Variants in OCA2 observed in about 807,000 individuals in gnomAD.
OCA2 encodes the protein OCA2 melanosomal transmembrane protein.
Under a neutral mutation model 100.2 loss-of-function variants are expected in OCA2, and 77 were observed. That is an observed-to-expected ratio of 0.77 (90% CI 0.64 to 0.93). The LOEUF (loss-of-function observed/expected upper bound fraction) is 0.93. Among genes scored for constraint, OCA2 ranks in the 40% least tolerant of loss-of-function variants. OCA2 has a pLI of 0.00. For missense variants in OCA2, 1,062 were observed against 1,089.1 expected (o/e 0.98, Z 0.35); for synonymous variants, 432 against 439.2 (o/e 0.98, Z 0.21).
At chr15:27,885,004 T>C (rs1449620199) in intron 19 of OCA2, among the ~76,000 whole-genome samples, 1 of 152,220 alleles carries the variant, frequency 6.6e-6, no homozygotes, top group Non-Finnish European at 1.5e-5. Flanking sequence ...AGCTTTACAG[T>C]GAATGAACTT....
chr15:27,914,932 C>T (rs1319063586), intron 19 of OCA2, among the ~76,000 whole-genome samples: 1 of 152,122 alleles, frequency 6.6e-6, no homozygotes, highest in African/African-American at 2.4e-5. Flanking sequence ...AAGAACAAAG[C>T]TGGAGGCATC....
At chr15:27,799,793 A>G (rs1025518060) in intron 23 of OCA2, among the ~76,000 whole-genome samples, 1 of 152,154 alleles carries the variant, frequency 6.6e-6, no homozygotes, top group Non-Finnish European at 1.5e-5. Context: ...ATCTGAGAAA[A>G]GTGAGCAGCC....
In OCA2 at chr15:28,000,693, A is replaced by AATATT. The variant is rs199985698; in HGVS notation, c.1045-10051_1045-10047dup. On this transcript the variant is annotated intron_variant, in intron 9 of 23. Transcript: ENST00000354638. Reference sequence around the variant, plus strand: ...GAAAAGACAACCTACAGACTCAGAAAATATTTGCAAACCATATACCTAATA... The same window carrying AATATT: ...GAAAAGACAACCTACAGACTCAGAAAATATTATATTTGCAAACCATATACCTAATA... 4.3e-4 allele frequency among the ~76,000 whole-genome samples: 66 copies of AATATT among 152,312 alleles called. 1 individual carries two copies. Among genetic ancestry groups the AATATT allele is most frequent in the East Asian group, 2.9e-3 (15 of 5,176 alleles).
chr15:28,069,500 T>C (rs2044151530), intron 2 of OCA2, among the ~76,000 whole-genome samples: 1 of 129,506 alleles, frequency 7.7e-6, no homozygotes, highest in South Asian at 2.8e-4. Flanking sequence ...CTCGGCTCAC[T>C]GCAACCTCCC....
rs554689259 is a variant in OCA2 at position 27,917,899 on chromosome 15, C to T, written c.2079+8228G>A. On this transcript the variant is annotated intron_variant, in intron 19 of 23. Transcript: ENST00000354638. ...GTGTTAGGCTGCCCCTCAGGGAAGCCTGGGGAAGGCAAGCATCTGAACTGG... is the reference window on the plus strand; with the variant it reads ...GTGTTAGGCTGCCCCTCAGGGAAGCTTGGGGAAGGCAAGCATCTGAACTGG... Among the ~76,000 whole-genome samples, 3 of 152,048 alleles carry T rather than the reference C, an allele frequency of 2.0e-5. No homozygotes were observed. The South Asian group carries it at 6.2e-4, about 32-fold the overall frequency.
intron 6 of OCA2, among the ~76,000 whole-genome samples, chr15:28,019,296 C>A (rs1410207555): frequency 1.3e-5 from 2 of 151,710 alleles, no homozygotes; most frequent in Non-Finnish European, 2.9e-5. Flanking sequence ...GAAGAGGACG[C>A]AGCAAAGAAG....
chr15:27,848,288 A>G (rs924318), intron 22 of OCA2, among the ~76,000 whole-genome samples: 117,839 of 152,226 alleles, frequency 0.77, 46,820 homozygotes, highest in East Asian at 1. Context: ...TATGAGGACC[A>G]TCACCACCTT....
intron 21 of OCA2, among the ~76,000 whole-genome samples, chr15:27,854,367 G>A (rs2035876092): frequency 6.6e-6 from 1 of 152,230 alleles, no homozygotes; most frequent in African/African-American, 2.4e-5. Context: ...GTCTCCACCA[G>A]TCCAGGGTCT....
intron 9 of OCA2, among the ~76,000 whole-genome samples, chr15:28,004,154 T>C (rs2042016613): frequency 1.3e-5 from 2 of 152,204 alleles, no homozygotes; most frequent in Admixed American, 1.3e-4. Flanking sequence ...TCGTCTCCTG[T>C]TTTCAACATG....
chr15:28,014,821 G>A lies in OCA2; in HGVS notation c.999C>T (p.Ile333=), dbSNP rs376454436. The A allele has an allele frequency of 2.2e-5, 36 of 1,613,944 alleles. No homozygotes were observed. In the Middle Eastern group the frequency reaches 4.9e-4, roughly 22 times the overall value. ...AGACGCCCGCGAGGATGGCCGTCGC[G>A]ATGGTCACCTGGGTTTCTACACTTC... ...LRGSVETQVT[I]ATAILAGVYA... Residue 333 remains isoleucine (I), a synonymous_variant, in exon 9 of 24, where the codon ATC becomes ATT. Transcript: ENST00000354638.
intron 23 of OCA2, among the ~76,000 whole-genome samples, chr15:27,767,084 G>A (rs780372699): frequency 2.6e-5 from 4 of 151,822 alleles, no homozygotes; most frequent in Admixed American, 6.6e-5. Flanking sequence ...TCCTGTGACC[G>A]CCATCTTGCT....
intron 21 of OCA2, among the ~76,000 whole-genome samples, chr15:27,853,144 T>C (rs1422916100): frequency 8.9e-6 from 1 of 112,600 alleles, no homozygotes; most frequent in Non-Finnish European, 1.8e-5. Flanking sequence ...TGCGGCACTA[T>C]TCACAATAGC....
chr15:27,884,071 G>A (rs1372169823), intron 19 of OCA2, among the ~76,000 whole-genome samples: 3 of 152,124 alleles, frequency 2.0e-5, no homozygotes, highest in Admixed American at 6.5e-5. Context: ...ATAAATCATC[G>A]TTACTGCAAA....
chr15:28,096,610 G>A (rs2044988980), intron 1 of OCA2, among the ~76,000 whole-genome samples: 1 of 152,162 alleles, frequency 6.6e-6, no homozygotes, highest in South Asian at 2.1e-4. Context: ...CCCCACTTCG[G>A]GCCTGGACCG....
intron 22 of OCA2, among the ~76,000 whole-genome samples, chr15:27,848,786 G>C (rs1246261748): frequency 1.3e-5 from 2 of 152,244 alleles, no homozygotes; most frequent in East Asian, 1.9e-4. Context: ...TCTATGCATG[G>C]ACATTCCCTT....
intron 2 of OCA2, among the ~76,000 whole-genome samples, chr15:28,065,697 T>C (rs2044002875): frequency 6.6e-6 from 1 of 152,164 alleles, no homozygotes; most frequent in Non-Finnish European, 1.5e-5. Flanking sequence ...TTATTTTGTA[T>C]CTAAAGATAA....
chr15:27,900,283 A>T (rs1277124148), intron 19 of OCA2, among the ~76,000 whole-genome samples: 1 of 152,148 alleles, frequency 6.6e-6, no homozygotes, highest in Non-Finnish European at 1.5e-5. Flanking sequence ...ACAAGCATGT[A>T]CAGCTACTGC....
At chr15:27,780,153 TA>T (rs1174283028) in intron 23 of OCA2, among the ~76,000 whole-genome samples, 1 of 152,158 alleles carries the variant, frequency 6.6e-6, no homozygotes, top group Non-Finnish European at 1.5e-5. Flanking sequence ...AATGTTTCCC[TA>T]AAACAACCAG....
At chr15:28,030,415 C>T (rs1291371392) in intron 3 of OCA2, among the ~76,000 whole-genome samples, 1 of 152,172 alleles carries the variant, frequency 6.6e-6, no homozygotes, top group Non-Finnish European at 1.5e-5. Context: ...AAGGAAGTGA[C>T]ATTTGAATGC....
Sources: allele counts gnomAD v4.1 joint callset (sites outside exome capture counted in the v4.1 genomes callset), GRCh38; gene constraint gnomAD v4.1.1; transcripts MANE v1.5; gene names NCBI Gene and HGNC (gene_info 2026-07-23, HGNC 2026-07-21).